Variants in RSPH14 observed in about 807,000 individuals in gnomAD.
RSPH14 encodes rhabdoid tumor deletion region gene 1.
A neutral mutation model predicts 26.7 loss-of-function variants in RSPH14; 20 were observed. The ratio of observed to expected loss-of-function variants is 0.75; its 90% CI spans 0.53 to 1.09. RSPH14 has a LOEUF of 1.09. Among genes scored for constraint, RSPH14 ranks in the 50% least tolerant of loss-of-function variants. RSPH14 has a pLI of 0.00. For synonymous variants in RSPH14, 177 were observed against 189.3 expected (o/e 0.93, Z 0.53); for missense variants, 449 against 457.2 (o/e 0.98, Z 0.16).
the RSPH14 span, chr22:23,180,005 C>T: frequency 2.8e-6 from 1 of 351,000 alleles, no homozygotes; most frequent in Non-Finnish European, 5.3e-6. Context: ...TCTGACACGA[C>T]GACTGGGCAG....
At chr22:23,113,756 T>G (rs1569183169) in intron 4 of RSPH14, among the ~76,000 whole-genome samples, 2 of 152,208 alleles carry the variant, frequency 1.3e-5, no homozygotes, top group African/African-American at 4.8e-5. Flanking sequence ...TGGGAATGCC[T>G]GTGTCCCAGA....
At chr22:23,121,329 T>C (rs2146397646) in intron 4 of RSPH14, among the ~76,000 whole-genome samples, 1 of 152,340 alleles carries the variant, frequency 6.6e-6, no homozygotes, top group South Asian at 2.1e-4. Context: ...CTGGGTATCC[T>C]TCCTTTCTCT....
At position 23,059,523 on chromosome 22, in the gene RSPH14, A is replaced by G; in HGVS notation, c.986T>C (p.Val329Ala). The change falls in exon 7 of 7, where the codon GTG becomes GCG. Residue 329 changes from valine to alanine, a missense_variant. Transcript: ENST00000216036. The part of the protein sequence containing the change: ...MEVETYEKPQ[V>A]AEALQRAARI... ...GGCTGCCCGCTGTAAGGCTTCGGCC[A>G]CTTGAGGCTTTTCGTAAGTCTCCAC... 2 of 1,614,212 alleles carry G rather than the reference A, an allele frequency of 1.2e-6. No homozygotes were observed. The highest frequency in any genetic ancestry group is 1.7e-6 in the Non-Finnish European group (2 of 1,180,002).
chr22:23,142,122 G>A (rs1007973173), upstream of RSPH14: 4 of 765,690 alleles, frequency 5.2e-6, no homozygotes, highest in African/African-American at 5.7e-5. Flanking sequence ...GCTGCAAAGC[G>A]GGAACAATCA....
intron 4 of RSPH14, among the ~76,000 whole-genome samples, chr22:23,092,898 A>C (rs116206985): frequency 6.6e-6 from 1 of 152,322 alleles, no homozygotes; most frequent in South Asian, 2.1e-4. Context: ...GACACCTCCC[A>C]CTGGGTTGGA....
chr22:23,061,731 G>GC, intron 6 of RSPH14, 78 bp downstream of exon 6: 2 of 1,527,286 alleles, frequency 1.3e-6, no homozygotes, highest in Non-Finnish European at 1.8e-6. Flanking sequence ...ACGATACCCA[G>GC]CCCCTGAGTA....
chr22:23,130,494 GAAAA>G (rs1555939816), intron 4 of RSPH14, among the ~76,000 whole-genome samples: 6 of 9,266 alleles, frequency 6.5e-4, no homozygotes, highest in Non-Finnish European at 1.4e-3. Flanking sequence ...AAGAAGGAAA[GAAAA>G]AGAAAGAAAG....
At chr22:23,107,909 A>T (rs1336541359) in intron 4 of RSPH14, among the ~76,000 whole-genome samples, 1 of 152,222 alleles carries the variant, frequency 6.6e-6, no homozygotes, top group Admixed American at 6.5e-5. Context: ...ACCAGCTGTC[A>T]CTGGAGGGCC....
At chr22:23,172,794 C>A in the RSPH14 span, among the ~76,000 whole-genome samples, 1 of 151,072 alleles carries the variant, frequency 6.6e-6, no homozygotes, top group Non-Finnish European at 1.5e-5. Context: ...ACTAAAAATA[C>A]AAAAAATTAG....
At chr22:23,129,964 G>A (rs1422906801) in intron 4 of RSPH14, among the ~76,000 whole-genome samples, 1 of 148,364 alleles carries the variant, frequency 6.7e-6, no homozygotes, top group African/African-American at 2.5e-5. Context: ...AAGAAAGAGA[G>A]AGGAAGAAAG....
the RSPH14 span, among the ~76,000 whole-genome samples, chr22:23,168,276 G>C: frequency 6.6e-6 from 1 of 152,192 alleles, no homozygotes. Context: ...TCCAGCTCTT[G>C]AAGTCCTGGG....
intron 4 of RSPH14, among the ~76,000 whole-genome samples, chr22:23,075,708 C>A (rs1392380008): frequency 2.0e-5 from 3 of 152,174 alleles, no homozygotes; most frequent in African/African-American, 7.2e-5. Context: ...AGCCTCCAAC[C>A]AGAAACACAC....
intron 4 of RSPH14, among the ~76,000 whole-genome samples, chr22:23,115,431 G>A (rs1403086510): frequency 6.6e-6 from 1 of 152,192 alleles, no homozygotes; most frequent in Non-Finnish European, 1.5e-5. Context: ...TTTGGGAAGG[G>A]GTTGGACAAG....
chr22:23,152,501 G>T, the RSPH14 span: 1 of 1,614,156 alleles, frequency 6.2e-7, no homozygotes, highest in Non-Finnish European at 8.5e-7. Context: ...CGATCTCTAC[G>T]TGGGGAAGAC....
upstream of RSPH14, chr22:23,145,522 G>A: frequency 6.2e-7 from 1 of 1,604,090 alleles, no homozygotes; most frequent in Non-Finnish European, 8.5e-7. Context: ...ACCAGGCCGC[G>A]CGGAGCCCCA....
intron 4 of RSPH14, among the ~76,000 whole-genome samples, chr22:23,119,318 A>G (rs567128965): frequency 6.6e-6 from 1 of 152,362 alleles, no homozygotes; most frequent in East Asian, 1.9e-4. Context: ...CCTCCTCTGC[A>G]GTTGATCTTT....
At chr22:23,096,943 C>T (rs774001275) in intron 4 of RSPH14, among the ~76,000 whole-genome samples, 23 of 152,124 alleles carry the variant, frequency 1.5e-4, no homozygotes, top group African/African-American at 5.1e-4. Flanking sequence ...CAGTGTGAAG[C>T]GGTGGGGGCT....
chr22:23,140,441 C>T lies in RSPH14; in HGVS notation c.-21G>A, dbSNP rs374852239. ...GCCATCTTTCCCCAACTACAGAGGC[C>T]TTTCCAAATGAAGCTCTGCAGAAAC... On this transcript the variant is annotated 5_prime_UTR_variant, in exon 2 of 7. Coordinates refer to ENST00000216036, the MANE Select transcript of RSPH14 (RefSeq NM_014433.3). The T allele has an allele frequency of 1.8e-4, 285 of 1,612,750 alleles. No individual in the cohort carries two copies. The highest frequency in any genetic ancestry group is 2.2e-4 in the Non-Finnish European group (256 of 1,179,442).
the RSPH14 span, among the ~76,000 whole-genome samples, chr22:23,176,278 G>A: frequency 3.3e-5 from 5 of 152,216 alleles, no homozygotes; most frequent in African/African-American, 1.2e-4. Flanking sequence ...AGAAGCTGAG[G>A]CAGGGCTTGC....
Sources: allele counts gnomAD v4.1 joint callset (sites outside exome capture counted in the v4.1 genomes callset), GRCh38; gene constraint gnomAD v4.1.1; transcripts MANE v1.5; gene names NCBI Gene and HGNC (gene_info 2026-07-23, HGNC 2026-07-21).